Variants in USP35 observed in about 807,000 individuals in gnomAD.
USP35 encodes the protein ubiquitin carboxyl-terminal hydrolase 35.
Under a neutral mutation model 83.8 loss-of-function variants are expected in USP35, and 69 were observed. That is an observed-to-expected ratio of 0.82 (90% CI 0.68 to 1.01). The LOEUF (loss-of-function observed/expected upper bound fraction) is 1.01. USP35 is among the 50% of genes least tolerant of loss of function. The pLI is 0.00. For synonymous variants in USP35, 714 were observed against 589.5 expected, an observed-to-expected ratio of 1.21 and a Z score of -3.06; for missense variants, 1,503 against 1,362.5, an observed-to-expected ratio of 1.10 and a Z score of -1.62.
chr11:78,190,233 A>C (rs1862960535), intron 1 of USP35, among the ~76,000 whole-genome samples: 1 of 151,912 alleles, frequency 6.6e-6, no homozygotes. Context: ...AACCAGGAAC[A>C]GATTTTTGTT....
At chr11:78,235,477 C>T in the USP35 span, among the ~76,000 whole-genome samples, 3,280 of 152,206 alleles carry the variant, frequency 0.022, 103 homozygotes, top group African/African-American at 0.075. Flanking sequence ...ATCACATCGT[C>T]AGGTGGCAAA....
intron 6 of USP35, among the ~76,000 whole-genome samples, chr11:78,204,979 T>C (rs937531143): frequency 2.6e-5 from 4 of 152,332 alleles, no homozygotes; most frequent in East Asian, 1.9e-4. Context: ...ATCTAAGGCA[T>C]TGTGACCAGG....
In USP35 at chr11:78,196,331, C is replaced by A; in HGVS notation, c.86C>A (p.Ala29Glu). The A allele has an allele frequency of 6.3e-7, 1 of 1,584,714 alleles. No individual in the cohort carries two copies. The highest frequency in any genetic ancestry group is 8.5e-7 in the Non-Finnish European group (1 of 1,173,524). ...CTGGTTCGGCGCGTGCTGGAGGCGG[C>A]GCGGCAGCCGCTGGAGCGTGAGCAG... ...QGLVRRVLEAARQPLEREQCL... is the reference protein window; with the variant it reads ...QGLVRRVLEAERQPLEREQCL... Residue 29 changes from alanine (A) to glutamate (E), a missense_variant, in exon 2 of 11, where the codon GCG (alanine) becomes GAG (glutamate). Physicochemically the swap from Ala to Glu is moderately radical, Grantham distance 107. Transcript: ENST00000529308. The surrounding 1 kb of genome is among the most constrained non-coding windows in gnomAD (Gnocchi z 4.8).
the USP35 span, chr11:78,226,722 G>A: frequency 1.0e-3 from 1,653 of 1,613,908 alleles, 21 homozygotes; most frequent in East Asian, 0.025. Flanking sequence ...TGGGGTGGCC[G>A]GAACATCCAT....
intron 2 of USP35, 128 bp downstream of exon 2, chr11:78,197,046 G>T: frequency 1.5e-6 from 2 of 1,360,536 alleles, no homozygotes; most frequent in Non-Finnish European, 1.9e-6. Flanking sequence ...GGCGGCGAAT[G>T]CTCAGGTGGA....
the USP35 span, chr11:78,226,536 C>G: frequency 2.1e-6 from 3 of 1,462,060 alleles, no homozygotes; most frequent in Non-Finnish European, 2.7e-6. Context: ...GACAGATCTG[C>G]TATTTTCACT....
chr11:78,215,157 G>A lies in USP35; in HGVS notation c.*1344G>A, dbSNP rs1179310664. 1.3e-5 allele frequency: 2 copies of A among 152,460 alleles called. No individual in the cohort carries two copies. The highest frequency in any genetic ancestry group is 4.8e-5 in the African/African-American group (2 of 41,430). The allele number at this position is 152,460 out of a possible 1,614,324, so 9.4% of individuals were successfully genotyped here. ...TTTCCACTTTACAACAGACGCTGAG[G>A]TAGAGAGCATTTGTTCTTATTCACA... On this transcript the variant is annotated 3_prime_UTR_variant, in exon 11 of 11. Transcript: ENST00000529308.
chr11:78,206,188 G>A, intron 7 of USP35, 153 bp downstream of exon 7: 1 of 1,077,358 alleles, frequency 9.3e-7, no homozygotes, highest in Non-Finnish European at 1.3e-6. Flanking sequence ...GGGACAGAGA[G>A]CCTCAGGCCA....
At chr11:78,222,061 A>G in the USP35 span, 9 of 1,275,586 alleles carry the variant, frequency 7.1e-6, no homozygotes, top group Non-Finnish European at 1.0e-5. Context: ...CATTTTCCCT[A>G]ATGGCCCGAC....
chr11:78,194,534 A>G (rs149091151), intron 1 of USP35, among the ~76,000 whole-genome samples: 34 of 152,352 alleles, frequency 2.2e-4, no homozygotes, highest in African/African-American at 8.2e-4. Context: ...TAGATTGGGC[A>G]TCGAAGCAAA....
chr11:78,207,340 G>A, intron 7 of USP35, 190 bp from the exon 8 acceptor site: 1 of 592,670 alleles, frequency 1.7e-6, no homozygotes. Context: ...TTGTGTTCCT[G>A]ACCTCAGATA....
At chr11:78,229,237 G>A in the USP35 span, among the ~76,000 whole-genome samples, 1 of 152,050 alleles carries the variant, frequency 6.6e-6, no homozygotes, top group Non-Finnish European at 1.5e-5. Flanking sequence ...CAGGCAGAAG[G>A]CAGGAGAAGG....
chr11:78,234,137 A>G, the USP35 span, among the ~76,000 whole-genome samples: 5 of 151,984 alleles, frequency 3.3e-5, no homozygotes, highest in African/African-American at 1.2e-4. Flanking sequence ...CTGGAGTGCA[A>G]TGGAATGATC....
chr11:78,232,862 T>A, the USP35 span, among the ~76,000 whole-genome samples: 1 of 152,140 alleles, frequency 6.6e-6, no homozygotes, highest in Non-Finnish European at 1.5e-5. Context: ...TACCCCCTAC[T>A]CAAAAATAAT....
chr11:78,192,761 C>A (rs982884653), intron 1 of USP35, among the ~76,000 whole-genome samples: 1 of 152,162 alleles, frequency 6.6e-6, no homozygotes, highest in Non-Finnish European at 1.5e-5. Flanking sequence ...CGGTTTCATG[C>A]GGTTCAGTCT....
At chr11:78,189,800 C>CT (rs1406385251) in intron 1 of USP35, among the ~76,000 whole-genome samples, 5 of 152,222 alleles carry the variant, frequency 3.3e-5, no homozygotes, top group Non-Finnish European at 4.4e-5. Context: ...AGAGCAGCTG[C>CT]TTTTTACCAG....
In USP35 at chr11:78,208,790, C is replaced by G. The variant is rs539424203; in HGVS notation, c.1486-67C>G. On this transcript the variant is annotated intron_variant, in intron 8 of 10. Transcript: ENST00000529308. The stretch of plus-strand genomic sequence containing the variant: ...GAATGAGGTAGACCCTCAGGCCTAA[C>G]CTGTGCAGAGCTGGCTGGTGAGTGG... 2.2e-5 allele frequency: 34 copies of G among 1,561,670 alleles called. No homozygotes were observed. In the Middle Eastern group the frequency reaches 5.1e-4, roughly 24 times the overall value.
chr11:78,212,283 G>A (rs1863813478), intron 10 of USP35, among the ~76,000 whole-genome samples: 1 of 152,110 alleles, frequency 6.6e-6, no homozygotes, highest in South Asian at 2.1e-4. Context: ...TCTCTATTCT[G>A]TTCCATTGGT....
chr11:78,225,195 GGAA>G, the USP35 span: 1 of 1,606,974 alleles, frequency 6.2e-7, no homozygotes, highest in Admixed American at 1.7e-5. Flanking sequence ...AGGTCTCACA[GGAA>G]GAAGCTGACA....
Sources: gnomAD v4.1 joint callset for allele counts (sites outside exome capture counted in the v4.1 genomes callset) on GRCh38, gnomAD v4.1.1 for gene constraint, Gnocchi (gnomAD v3.1) non-coding constraint, MANE v1.5 for transcripts, NCBI Gene and HGNC (gene_info 2026-07-23, HGNC 2026-07-21) for gene names.